Variants in UBR3 observed in about 807,000 individuals in gnomAD.
The protein encoded by UBR3 is E3 ubiquitin-protein ligase UBR3.
Under a neutral mutation model 243.2 loss-of-function variants are expected in UBR3, and 85 were observed. The observed-to-expected ratio is 0.35, with a 90% CI of 0.29 to 0.42. The LOEUF is 0.42. UBR3 is among the 10% of genes least tolerant of loss of function. The probability of loss-of-function intolerance (pLI) is 1.00; values close to 1 mark genes in which losing one functional copy is unlikely to be tolerated. For synonymous variants in UBR3, 748 were observed against 799.8 expected (o/e 0.94, Z 1.09); for missense variants, 1,686 against 2,300.8 (o/e 0.73, Z 5.47).
intron 36 of UBR3, chr2:170,078,117 G>A (rs933351679): frequency 2.1e-5 from 13 of 623,308 alleles, no homozygotes; most frequent in East Asian, 3.3e-5. Context: ...TTTTTCATTT[G>A]TATTTTCTCA....
chr2:169,927,660 C>T (rs1347356608), intron 17 of UBR3, among the ~76,000 whole-genome samples: 1 of 151,060 alleles, frequency 6.6e-6, no homozygotes, highest in Non-Finnish European at 1.5e-5. Context: ...TGAATGATGG[C>T]TTTGGCCACC....
intron 1 of UBR3, among the ~76,000 whole-genome samples, chr2:169,834,665 G>C (rs2082029586): frequency 2.0e-5 from 3 of 152,080 alleles, no homozygotes; most frequent in Admixed American, 2.0e-4. Flanking sequence ...TCCCAGCCAG[G>C]ACTATTTTGA....
In UBR3 at chr2:169,922,079, G is replaced by A. The variant is rs537309654; in HGVS notation, c.1867-1850G>A. Among the ~76,000 whole-genome samples the A allele has an allele frequency of 3.9e-5, 6 of 152,114 alleles. No individual in the cohort carries two copies. In the South Asian group the frequency reaches 1.2e-3, roughly 32 times the overall value. On this transcript the variant is annotated intron_variant, in intron 11 of 38. Transcript: ENST00000272793. ...AGGCGGGCAGATTGCATGAGCCCAG[G>A]AGTTCGAGAGCAGTCTGGGCAACAT...
chr2:170,045,327 A>G (rs1559214056), intron 32 of UBR3, among the ~76,000 whole-genome samples: 1 of 152,100 alleles, frequency 6.6e-6, no homozygotes, highest in Non-Finnish European at 1.5e-5. Flanking sequence ...CCACAACACG[A>G]GGGAGTTAAA....
intron 26 of UBR3, among the ~76,000 whole-genome samples, chr2:170,000,050 C>T (rs1055801813): frequency 2.0e-5 from 3 of 151,278 alleles, no homozygotes; most frequent in African/African-American, 7.3e-5. Context: ...CACTTGAACC[C>T]GGGAGGCGGA....
intron 11 of UBR3, among the ~76,000 whole-genome samples, chr2:169,918,883 C>T (rs1284953557): frequency 4.0e-5 from 6 of 151,890 alleles, no homozygotes; most frequent in Non-Finnish European, 8.8e-5. Flanking sequence ...TAAAACAGTC[C>T]CTGACTTAAG....
chr2:169,829,659 A>G (rs1175035112), intron 1 of UBR3, among the ~76,000 whole-genome samples: 1 of 152,174 alleles, frequency 6.6e-6, no homozygotes, highest in East Asian at 1.9e-4. Flanking sequence ...TCCCGACCTC[A>G]GGTGATCCGC....
intron 35 of UBR3, among the ~76,000 whole-genome samples, chr2:170,071,977 CTG>C (rs1189332550): frequency 1.3e-5 from 2 of 152,104 alleles, no homozygotes; most frequent in Non-Finnish European, 2.9e-5. Flanking sequence ...GTTGGTGGGA[CTG>C]TAAACTAGTT....
intron 1 of UBR3, among the ~76,000 whole-genome samples, chr2:169,835,536 G>A (rs1256013740): frequency 1.3e-5 from 2 of 152,162 alleles, no homozygotes; most frequent in Non-Finnish European, 2.9e-5. Flanking sequence ...TGCCTCCTGA[G>A]TTCAAGCGGT....
In UBR3 at chr2:169,905,099, T is replaced by C. The variant is rs2084966644; in HGVS notation, c.1466-15T>C. ...AATCTTATGAAATTTTTGGGTTGTG[T>C]GTGTCTTTTTTTAGATGAAGAAAAT... On this transcript the variant is annotated splice_polypyrimidine_tract_variant and intron_variant, in intron 8 of 38. Coordinates refer to ENST00000272793, the MANE Select transcript of UBR3 (RefSeq NM_172070.4). The C allele has an allele frequency of 1.4e-6, 2 of 1,447,284 alleles. No individual in the cohort carries two copies. 89.7% of individuals were successfully genotyped at this position (1,447,284 alleles called of 1,614,324 possible). A position where few individuals can be genotyped will look rare whatever the true frequency, so the allele number is the denominator to read the frequency against.
At chr2:169,922,084 C>G (rs1024573672) in intron 11 of UBR3, among the ~76,000 whole-genome samples, 2 of 151,612 alleles carry the variant, frequency 1.3e-5, no homozygotes, top group Non-Finnish European at 2.9e-5. Context: ...CCCAGGAGTT[C>G]GAGAGCAGTC....
chr2:169,981,316 C>T (rs1313342382), intron 24 of UBR3, among the ~76,000 whole-genome samples: 3 of 152,022 alleles, frequency 2.0e-5, no homozygotes, highest in African/African-American at 7.3e-5. Flanking sequence ...ACCAGGTGAT[C>T]AAGGTCAGCA....
intron 1 of UBR3, among the ~76,000 whole-genome samples, chr2:169,869,714 A>G (rs1329797032): frequency 6.6e-6 from 1 of 152,142 alleles, no homozygotes; most frequent in East Asian, 1.9e-4. Flanking sequence ...ATATCACAAA[A>G]TGGTTTCTCC....
At chr2:169,883,993 C>G (rs1309735638) in intron 5 of UBR3, among the ~76,000 whole-genome samples, 1 of 151,962 alleles carries the variant, frequency 6.6e-6, no homozygotes. Flanking sequence ...CCACCACACC[C>G]AGCTAATTTT....
At chr2:169,928,196 C>T (rs73015758) in intron 17 of UBR3, among the ~76,000 whole-genome samples, 1 of 152,002 alleles carries the variant, frequency 6.6e-6, no homozygotes, top group Non-Finnish European at 1.5e-5. Context: ...AGAGTAAAAA[C>T]GATCTCTGTG....
chr2:169,999,851 C>T (rs769901514), intron 26 of UBR3, among the ~76,000 whole-genome samples: 4 of 152,116 alleles, frequency 2.6e-5, no homozygotes, highest in African/African-American at 4.8e-5. Flanking sequence ...GAGCCAGGCA[C>T]GGTGGCTCAT....
At chr2:169,842,371 G>A (rs999606964) in intron 1 of UBR3, among the ~76,000 whole-genome samples, 1 of 152,096 alleles carries the variant, frequency 6.6e-6, no homozygotes, top group Non-Finnish European at 1.5e-5. Flanking sequence ...ACAGGCCACT[G>A]GGCTCTACCA....
intron 32 of UBR3, 75 bp from the exon 33 acceptor site, chr2:170,055,385 G>A (rs1267634495): frequency 1.5e-5 from 23 of 1,519,486 alleles, no homozygotes; most frequent in Non-Finnish European, 1.9e-5. Flanking sequence ...GCAAGGAAAG[G>A]CATATATTTG....
intron 35 of UBR3, among the ~76,000 whole-genome samples, chr2:170,067,091 G>A (rs969092044): frequency 1.3e-5 from 2 of 151,878 alleles, no homozygotes; most frequent in Admixed American, 1.3e-4. Context: ...TTCACACCTC[G>A]TAAGTAAAGC....
Sources: allele counts gnomAD v4.1 joint callset (sites outside exome capture counted in the v4.1 genomes callset), GRCh38; gene constraint gnomAD v4.1.1; transcripts MANE v1.5; gene names NCBI Gene and HGNC (gene_info 2026-07-23, HGNC 2026-07-21).